The following PPM1E variants were observed in gnomAD, a reference collection of about 807,000 sequenced individuals.
PPM1E encodes protein phosphatase 1E.
In PPM1E, 20 loss-of-function variants were observed where a neutral mutation model predicts 65.9. The ratio of observed to expected loss-of-function variants is 0.30; its 90% CI spans 0.21 to 0.44. The LOEUF (loss-of-function observed/expected upper bound fraction) is 0.44, where lower values mean the gene tolerates loss of function less well. PPM1E is among the 20% of genes least tolerant of loss of function. The pLI is 1.00. For missense variants in PPM1E, 713 were observed against 953.1 expected, an observed-to-expected ratio of 0.75 and a Z score of 3.32; for synonymous variants, 352 against 374.9, an observed-to-expected ratio of 0.94 and a Z score of 0.70.
intron 1 of PPM1E, among the ~76,000 whole-genome samples, chr17:58,783,599 A>C (rs981561558): frequency 6.6e-6 from 1 of 152,234 alleles, no homozygotes; most frequent in Non-Finnish European, 1.5e-5. Flanking sequence ...ATCTAGCCAT[A>C]AAAGCAGCTC....
intron 1 of PPM1E, among the ~76,000 whole-genome samples, chr17:58,863,548 G>C (rs531640649): frequency 6.6e-6 from 1 of 152,338 alleles, no homozygotes; most frequent in East Asian, 1.9e-4. Context: ...CTCATTGTGA[G>C]GGGCAGCTGC....
At chr17:58,776,521 C>CA (rs2049996223) in intron 1 of PPM1E, among the ~76,000 whole-genome samples, 1 of 152,096 alleles carries the variant, frequency 6.6e-6, no homozygotes, top group Admixed American at 6.6e-5. Context: ...TTTTTCTCTA[C>CA]AAAAATGCAT....
At chr17:58,877,591 C>T (rs1042023057) in intron 1 of PPM1E, among the ~76,000 whole-genome samples, 4 of 152,092 alleles carry the variant, frequency 2.6e-5, no homozygotes, top group African/African-American at 7.2e-5. Context: ...GTTCCTAGGC[C>T]AGTCCACAGA....
Position 58,983,346 on chromosome 17 carries a change from A to T in PPM1E, c.*2315A>T, listed in dbSNP as rs1344614182. 1 of 159,032 alleles carries T rather than the reference A, an allele frequency of 6.3e-6. No homozygotes were observed. The highest frequency in any genetic ancestry group is 1.4e-5 in the Non-Finnish European group (1 of 72,078). The allele number at this position is 159,032 out of a possible 1,614,324, so 9.9% of individuals were successfully genotyped here. On this transcript the variant is annotated 3_prime_UTR_variant, in exon 7 of 7. Transcript: ENST00000308249. ...TACCATTTGTAAGGTAAATCCTTTA[A>T]AATTCTATAATACATACTAAAATAG... is the stretch of plus-strand genomic sequence containing the variant.
At chr17:58,831,341 T>C (rs2050603763) in intron 1 of PPM1E, among the ~76,000 whole-genome samples, 1 of 152,224 alleles carries the variant, frequency 6.6e-6, no homozygotes, top group African/African-American at 2.4e-5. Flanking sequence ...ACTCTTCTCT[T>C]TAGCCAGCAT....
intron 1 of PPM1E, among the ~76,000 whole-genome samples, chr17:58,929,948 C>T (rs1261002665): frequency 2.0e-5 from 3 of 151,982 alleles, no homozygotes; most frequent in Non-Finnish European, 4.4e-5. Context: ...TTTGGAAGGT[C>T]GTAAAAATGA....
chr17:58,867,615 G>C (rs897938593), intron 1 of PPM1E, among the ~76,000 whole-genome samples: 4 of 152,108 alleles, frequency 2.6e-5, no homozygotes, highest in African/African-American at 9.7e-5. Context: ...GGAGAATTTT[G>C]ACTACAGCTA....
At chr17:58,794,329 C>T (rs909052818) in intron 1 of PPM1E, among the ~76,000 whole-genome samples, 5 of 152,052 alleles carry the variant, frequency 3.3e-5, no homozygotes, top group African/African-American at 7.2e-5. Context: ...CCTCCTGCCT[C>T]GGCCTCCCAA....
chr17:58,791,798 A>C (rs1259605290), intron 1 of PPM1E, among the ~76,000 whole-genome samples: 1 of 152,238 alleles, frequency 6.6e-6, no homozygotes, highest in Non-Finnish European at 1.5e-5. Context: ...AGGAGCACAC[A>C]GATGAGTCTA....
intron 1 of PPM1E, among the ~76,000 whole-genome samples, chr17:58,805,974 C>CAAAAAAAA (rs1341289870): frequency 4.1e-5 from 3 of 74,020 alleles, no homozygotes; most frequent in African/African-American, 5.9e-5. Flanking sequence ...AAAAAAAAAA[C>CAAAAAAAA]AAAAAAAAAA....
intron 1 of PPM1E, among the ~76,000 whole-genome samples, chr17:58,925,816 G>A (rs372134803): frequency 1.3e-4 from 20 of 151,894 alleles, no homozygotes; most frequent in Admixed American, 1.1e-3. Flanking sequence ...ATTTTCTCCC[G>A]TTCTGTAGGT....
chr17:58,814,537 A>T (rs2050397734), intron 1 of PPM1E, among the ~76,000 whole-genome samples: 1 of 152,210 alleles, frequency 6.6e-6, no homozygotes, highest in Admixed American at 6.5e-5. Flanking sequence ...ATTTGATATT[A>T]CTGAATCTCA....
intron 1 of PPM1E, among the ~76,000 whole-genome samples, chr17:58,871,829 A>G (rs1294159569): frequency 5.4e-5 from 8 of 148,302 alleles, no homozygotes; most frequent in African/African-American, 1.2e-4. Context: ...AAAAAAAAAA[A>G]AAGAAGAAGA....
At chr17:58,799,759 T>G (rs2050241869) in intron 1 of PPM1E, among the ~76,000 whole-genome samples, 2 of 152,146 alleles carry the variant, frequency 1.3e-5, no homozygotes, top group African/African-American at 4.8e-5. Context: ...TTTTGTATTT[T>G]GGTAGAGATG....
At chr17:58,875,282 GGAA>G (rs2143363081) in intron 1 of PPM1E, among the ~76,000 whole-genome samples, 1 of 152,248 alleles carries the variant, frequency 6.6e-6, no homozygotes, top group Admixed American at 6.5e-5. Context: ...TCTCAAGGAA[GGAA>G]GAAGGAGAAT....
chr17:58,963,218 C>G (rs1286982568), intron 2 of PPM1E, among the ~76,000 whole-genome samples: 1 of 150,566 alleles, frequency 6.6e-6, no homozygotes, highest in Non-Finnish European at 1.5e-5. Context: ...AACCCCGTCT[C>G]TACTAAACAT....
chr17:58,982,983 A>C lies in PPM1E; in HGVS notation c.*1952A>C. 1 of 1,437,210 alleles carries C rather than the reference A, an allele frequency of 7.0e-7. No individual in the cohort carries two copies. Among genetic ancestry groups the C allele is most frequent in the South Asian group, 1.3e-5 (1 of 77,748 alleles). The allele number at this position is 1,437,210 out of a possible 1,614,324, so 89.0% of individuals were successfully genotyped here. A position where few individuals can be genotyped will look rare whatever the true frequency, so the allele number is the denominator to read the frequency against. ...GTACACATTATAGTCCAAAGTGCTT[A>C]GCGAAGTAAAAAAAAAAGCTTTTTA... is the stretch of plus-strand genomic sequence containing the variant. On this transcript the variant is annotated 3_prime_UTR_variant, in exon 7 of 7. Transcript: ENST00000308249.
At chr17:58,809,097 A>C in intron 1 of PPM1E, among the ~76,000 whole-genome samples, 1 of 149,942 alleles carries the variant, frequency 6.7e-6, no homozygotes, top group South Asian at 2.1e-4. Flanking sequence ...AAGATTAACA[A>C]TTTTTTTTTT....
At chr17:58,775,162 A>AGGGG (rs1285841686) in intron 1 of PPM1E, among the ~76,000 whole-genome samples, 4 of 152,158 alleles carry the variant, frequency 2.6e-5, no homozygotes, top group Admixed American at 1.3e-4. Flanking sequence ...CCTAAGCTGT[A>AGGGG]TTTATAATGG....
Sources: gnomAD v4.1 joint callset for allele counts (sites outside exome capture counted in the v4.1 genomes callset) on GRCh38, gnomAD v4.1.1 for gene constraint, MANE v1.5 for transcripts, NCBI Gene and HGNC (gene_info 2026-07-23, HGNC 2026-07-21) for gene names.